Variants in GABRA3 observed in about 807,000 individuals in gnomAD.
The protein encoded by GABRA3 is gamma-aminobutyric acid receptor subunit alpha-3.
A neutral mutation model predicts 30.1 loss-of-function variants in GABRA3; 10 were observed. The ratio of observed to expected loss-of-function variants is 0.33; its 90% CI spans 0.20 to 0.56. The LOEUF (loss-of-function observed/expected upper bound fraction) is 0.56. Ranked by LOEUF, GABRA3 falls within the 20% of genes least tolerant of loss-of-function variation. The pLI is 0.89. For missense variants in GABRA3, 233 were observed against 392.0 expected (o/e 0.59, Z 3.42); for synonymous variants, 151 against 146.8 (o/e 1.03, Z -0.21).
chrX:152,445,042 C>A (rs1931049037), intron 1 of GABRA3, among the ~76,000 whole-genome samples: 2 of 51,313 alleles, frequency 3.9e-5, no homozygotes, highest in African/African-American at 8.8e-5. Flanking sequence ...GCCTGGGCAA[C>A]AGAGTGAGAC....
intron 3 of GABRA3, among the ~76,000 whole-genome samples, chrX:152,334,205 A>C (rs769845847): frequency 8.9e-6 from 1 of 111,792 alleles, no homozygotes; most frequent in South Asian, 3.8e-4. Flanking sequence ...GAGTAGAAGA[A>C]AACTTCCCAA....
intron 1 of GABRA3, among the ~76,000 whole-genome samples, chrX:152,442,605 A>G (rs1020322433): frequency 4.5e-5 from 5 of 112,040 alleles, no homozygotes; most frequent in Middle Eastern, 4.7e-3. Context: ...TAGAGAGACT[A>G]CACAGCTAGT....
intron 5 of GABRA3, among the ~76,000 whole-genome samples, chrX:152,237,515 T>G (rs1214547083): frequency 2.0e-5 from 2 of 102,102 alleles, no homozygotes; most frequent in Non-Finnish European, 4.0e-5. Flanking sequence ...TAAAGTAGTT[T>G]TTTCCAATTC....
intron 3 of GABRA3, among the ~76,000 whole-genome samples, chrX:152,289,989 T>C (rs1939374175): frequency 8.9e-6 from 1 of 112,095 alleles, no homozygotes; most frequent in Non-Finnish European, 1.9e-5. Context: ...TGTGTGCATG[T>C]TTCTTTATAG....
intron 5 of GABRA3, among the ~76,000 whole-genome samples, chrX:152,243,288 T>G (rs1043081461): frequency 9.0e-6 from 1 of 111,655 alleles, no homozygotes; most frequent in Admixed American, 9.5e-5. Flanking sequence ...ATGGTGAGTA[T>G]AGTTAATAAC....
At position 152,214,968 on chromosome X, in the gene GABRA3, C is replaced by A. The variant is rs186899494; in HGVS notation, c.635-6824G>T. On this transcript the variant is annotated intron_variant, in intron 6 of 9. Transcript: ENST00000370314. The stretch of plus-strand genomic sequence containing the variant: ...AATTCTAACAAATTTTTGTTTAGTT[C>A]TTTAGGGATATATGTATACACACAC... Among the ~76,000 whole-genome samples the A allele has an allele frequency of 1.7e-3, 180 of 107,171 alleles. 1 individual carries two copies. Among genetic ancestry groups the A allele is most frequent in the African/African-American group, 5.9e-3 (174 of 29,619 alleles). 93.1% of individuals were successfully genotyped at this position (107,171 alleles called of 115,157 possible).
chrX:152,265,234 C>T (rs1374521621), intron 4 of GABRA3, among the ~76,000 whole-genome samples: 1 of 111,084 alleles, frequency 9.0e-6, no homozygotes, highest in East Asian at 2.8e-4. Flanking sequence ...TAAGGATAGA[C>T]CCTATGTTAG....
At chrX:152,186,304 C>T (rs975936687) in intron 9 of GABRA3, among the ~76,000 whole-genome samples, 1 of 110,218 alleles carries the variant, frequency 9.1e-6, no homozygotes, top group Admixed American at 9.8e-5. Flanking sequence ...GCAACCTCCA[C>T]CTCCCAGGTT....
At chrX:152,420,283 C>G (rs781683758) in intron 1 of GABRA3, among the ~76,000 whole-genome samples, 1 of 110,576 alleles carries the variant, frequency 9.0e-6, no homozygotes, top group East Asian at 2.8e-4. Context: ...TACAATAAGG[C>G]AGGAAAAATA....
In GABRA3 at chrX:152,174,240, G is replaced by A. The variant is rs758438915; in HGVS notation, c.1144-5677C>T. On this transcript the variant is annotated intron_variant, in intron 9 of 9. Transcript: ENST00000370314. The stretch of plus-strand genomic sequence containing the variant: ...AGTCTTTGCTATTGTGAATAGTGCC[G>A]CAATAAACATACGTGTGCATGTGTC... Among the ~76,000 whole-genome samples the A allele has an allele frequency of 2.8e-3, 312 of 110,140 alleles. 1 individual carries two copies. Among genetic ancestry groups the A allele is most frequent in the South Asian group, 0.013 (32 of 2,539 alleles).
At chrX:152,307,741 C>T (rs1431639709) in intron 3 of GABRA3, among the ~76,000 whole-genome samples, 1 of 111,654 alleles carries the variant, frequency 9.0e-6, no homozygotes, top group African/African-American at 3.3e-5. Flanking sequence ...CACCAGGGCT[C>T]ATTCCTGGTC....
intron 3 of GABRA3, among the ~76,000 whole-genome samples, chrX:152,300,714 T>C (rs1939615846): frequency 8.9e-6 from 1 of 112,135 alleles, no homozygotes; most frequent in African/African-American, 3.2e-5. Flanking sequence ...TATTTGAAAT[T>C]TTAGAAATAA....
At chrX:152,352,851 A>G (rs1326089289) in intron 2 of GABRA3, among the ~76,000 whole-genome samples, 1 of 111,085 alleles carries the variant, frequency 9.0e-6, no homozygotes, top group Non-Finnish European at 1.9e-5. Flanking sequence ...TGCAAATTCT[A>G]CTACTTCTCT....
intron 3 of GABRA3, among the ~76,000 whole-genome samples, chrX:152,329,649 G>C (rs1002429546): frequency 6.3e-5 from 7 of 111,979 alleles, no homozygotes; most frequent in African/African-American, 2.3e-4. Context: ...GCAATAAGTA[G>C]AAAGCTGAAA....
chrX:152,271,850 C>T (rs932940598), intron 4 of GABRA3, among the ~76,000 whole-genome samples: 1 of 111,841 alleles, frequency 8.9e-6, no homozygotes, highest in Non-Finnish European at 1.9e-5. Flanking sequence ...ATAGCTCGGG[C>T]CATTGCTTTG....
In GABRA3 at chrX:152,166,757, T is replaced by C. The variant is rs938779076; in HGVS notation, c.*1471A>G. The C allele has an allele frequency of 1.8e-5, 2 of 110,748 alleles. No homozygotes were observed. Among genetic ancestry groups the C allele is most frequent in the Admixed American group, 1.9e-4 (2 of 10,410 alleles). 9.1% of individuals were successfully genotyped at this position (110,748 alleles called of 1,213,427 possible). Reference sequence around the variant, plus strand: ...TGTGACTTTCTAAAAACCTTTTTGGTGCCCAACCAAGTTCCACTAGTGACC... The same window carrying C: ...TGTGACTTTCTAAAAACCTTTTTGGCGCCCAACCAAGTTCCACTAGTGACC... On this transcript the variant is annotated 3_prime_UTR_variant, in exon 10 of 10. Transcript: ENST00000370314.
At chrX:152,251,057 T>G (rs1041176329) in intron 5 of GABRA3, 2 of 296,704 alleles carry the variant, frequency 6.7e-6, no homozygotes, top group African/African-American at 5.7e-5. Context: ...AGCCAGGCTT[T>G]TATTTTTCCA....
chrX:152,343,066 TTC>T (rs906956787), intron 3 of GABRA3, among the ~76,000 whole-genome samples: 4 of 111,337 alleles, frequency 3.6e-5, no homozygotes, highest in African/African-American at 1.3e-4. Context: ...GATTTCTGCT[TTC>T]TCTCTCTCTG....
At chrX:152,251,757 C>A (rs191608216) in intron 5 of GABRA3, among the ~76,000 whole-genome samples, 1 of 111,058 alleles carries the variant, frequency 9.0e-6, no homozygotes, top group African/African-American at 3.3e-5. Flanking sequence ...TAATTTATTA[C>A]AAGCATGCCT....
Sources: allele counts gnomAD v4.1 joint callset (sites outside exome capture counted in the v4.1 genomes callset), GRCh38; gene constraint gnomAD v4.1.1; transcripts MANE v1.5; gene names NCBI Gene and HGNC (gene_info 2026-07-23, HGNC 2026-07-21).